The following CNTN1 variants were observed in gnomAD, a reference collection of about 807,000 sequenced individuals.
The protein encoded by CNTN1 is contactin 1, also known as contactin-1.
Under a neutral mutation model 126.4 loss-of-function variants are expected in CNTN1, and 38 were observed. That is an observed-to-expected ratio of 0.30 (90% CI 0.23 to 0.39). The LOEUF (loss-of-function observed/expected upper bound fraction) is 0.39, where lower values mean the gene tolerates loss of function less well. CNTN1 is among the 10% of genes least tolerant of loss of function. The pLI, the probability that CNTN1 is intolerant of heterozygous loss-of-function variation, is 1.00. For synonymous variants in CNTN1, 413 were observed against 422.6 expected (o/e 0.98, Z 0.28); for missense variants, 1,009 against 1,248.4 (o/e 0.81, Z 2.89).
chr12:40,988,271 G>A (rs2120458483), intron 16 of CNTN1, among the ~76,000 whole-genome samples: 1 of 152,270 alleles, frequency 6.6e-6, no homozygotes, highest in African/African-American at 2.4e-5. Flanking sequence ...ATCTCTGAGT[G>A]AGTAGGTTTG....
chr12:40,748,419 G>A (rs1412147334), intron 1 of CNTN1, among the ~76,000 whole-genome samples: 2 of 152,136 alleles, frequency 1.3e-5, no homozygotes, highest in Admixed American at 6.6e-5. Context: ...GAGGGACAGA[G>A]TGGGATTTCT....
chr12:41,058,449 A>G (rs1566238562), intron 23 of CNTN1, among the ~76,000 whole-genome samples: 1 of 152,150 alleles, frequency 6.6e-6, no homozygotes, highest in Non-Finnish European at 1.5e-5. Flanking sequence ...AGTTCCATTC[A>G]CTTGTGGGAA....
chr12:40,975,371 T>C (rs577830924), intron 15 of CNTN1, among the ~76,000 whole-genome samples: 2 of 152,044 alleles, frequency 1.3e-5, no homozygotes, highest in South Asian at 4.2e-4. Context: ...AGACTCTGCA[T>C]TGAACCATGA....
At chr12:40,785,906 C>A (rs1232980663) in intron 1 of CNTN1, among the ~76,000 whole-genome samples, 1 of 152,048 alleles carries the variant, frequency 6.6e-6, no homozygotes, top group Non-Finnish European at 1.5e-5. Context: ...GAGGGATCTG[C>A]CCCCATGAGC....
At chr12:40,761,813 T>C (rs1017682055) in intron 1 of CNTN1, among the ~76,000 whole-genome samples, 1 of 152,192 alleles carries the variant, frequency 6.6e-6, no homozygotes, top group Non-Finnish European at 1.5e-5. Context: ...TACTTTAGAA[T>C]AGGCTAAACT....
Position 40,908,441 on chromosome 12 carries a change from G to A in CNTN1, c.9G>A (p.Met3Ile). The part of the protein sequence containing the change: MK[M>I]WLLVSHLVII... The stretch of plus-strand genomic sequence containing the variant: ...CTTCTACTGAATACAAGATGAAAAT[G>A]TGGTTGCTGGTCAGTCATCTTGTGA... The change falls in exon 2 of 24, where the codon ATG becomes ATA. Residue 3 changes from methionine to isoleucine, a missense_variant. Physicochemically the swap from Met to Ile is conservative, Grantham distance 10. Transcript: ENST00000551295. 1 of 1,612,920 alleles carries A rather than the reference G, an allele frequency of 6.2e-7. No homozygotes were observed. The highest frequency in any genetic ancestry group is 8.5e-7 in the Non-Finnish European group (1 of 1,179,422).
intron 15 of CNTN1, among the ~76,000 whole-genome samples, chr12:40,967,746 T>C (rs1947359759): frequency 6.6e-6 from 1 of 152,124 alleles, no homozygotes; most frequent in Non-Finnish European, 1.5e-5. Context: ...TCGAAGAATA[T>C]GAATAAATGG....
chr12:40,935,475 G>C lies in CNTN1; in HGVS notation c.986-1306G>C, dbSNP rs117219934. On this transcript the variant is annotated intron_variant, in intron 9 of 23. Coordinates refer to ENST00000551295, the MANE Select transcript of CNTN1 (RefSeq NM_001843.4). ...ATTCTTTACTAATGCAGCATACTAAGTATTATCTTTAGGTCTGATCACATC... is the reference window on the plus strand; with the variant it reads ...ATTCTTTACTAATGCAGCATACTAACTATTATCTTTAGGTCTGATCACATC... Among the ~76,000 whole-genome samples, 78 of 152,096 alleles carry C rather than the reference G, an allele frequency of 5.1e-4. 1 individual carries two copies. In the East Asian group the frequency reaches 0.013, roughly 25 times the overall value.
chr12:40,845,420 ATATT>A (rs2136597610), intron 1 of CNTN1, among the ~76,000 whole-genome samples: 1 of 152,332 alleles, frequency 6.6e-6, no homozygotes, highest in African/African-American at 2.4e-5. Flanking sequence ...TCTCAAATAT[ATATT>A]ATCACCTGTT....
chr12:40,863,817 C>G (rs1261091003), intron 1 of CNTN1, among the ~76,000 whole-genome samples: 1 of 151,974 alleles, frequency 6.6e-6, no homozygotes, highest in East Asian at 1.9e-4. Flanking sequence ...GAAAAATTGT[C>G]TTCCACAAAA....
At chr12:40,908,335 C>A (rs749908859) in intron 1 of CNTN1, 22 bp from the exon 2 acceptor site, 569 of 840,270 alleles carry the variant, frequency 6.8e-4, no homozygotes, top group Non-Finnish European at 1.0e-3. Flanking sequence ...TTTCCTTCTT[C>A]TTCTTTTCTT....
At chr12:40,731,008 CAATT>C (rs1444815134) in intron 1 of CNTN1, among the ~76,000 whole-genome samples, 2 of 151,056 alleles carry the variant, frequency 1.3e-5, no homozygotes, top group Non-Finnish European at 3.0e-5. Context: ...AGTAAACTAA[CAATT>C]AAACAAACTA....
chr12:40,856,732 C>A (rs312268), intron 1 of CNTN1, among the ~76,000 whole-genome samples: 100,184 of 151,966 alleles, frequency 0.66, 33,965 homozygotes, highest in African/African-American at 0.83. Flanking sequence ...GTATGTCAGG[C>A]AGGGAAAAGA....
intron 5 of CNTN1, among the ~76,000 whole-genome samples, chr12:40,923,089 C>T (rs1945509640): frequency 6.6e-6 from 1 of 151,488 alleles, no homozygotes; most frequent in African/African-American, 2.4e-5. Context: ...TCACATATTG[C>T]AACATAATGT....
intron 1 of CNTN1, among the ~76,000 whole-genome samples, chr12:40,883,136 A>G (rs923994274): frequency 8.6e-5 from 13 of 151,662 alleles, no homozygotes; most frequent in Admixed American, 7.2e-4. Flanking sequence ...CAGAATAACT[A>G]GAGTTTTGAA....
intron 23 of CNTN1, among the ~76,000 whole-genome samples, chr12:41,063,404 G>T (rs1949983024): frequency 1.3e-5 from 2 of 152,196 alleles, no homozygotes; most frequent in East Asian, 3.8e-4. Flanking sequence ...CTGTGTGATG[G>T]TCCTTGATAG....
intron 1 of CNTN1, among the ~76,000 whole-genome samples, chr12:40,711,220 C>T (rs914904145): frequency 2.5e-4 from 38 of 152,144 alleles, no homozygotes; most frequent in African/African-American, 7.7e-4. Context: ...CAGTCTTTCC[C>T]TGTCAATTCT....
intron 1 of CNTN1, among the ~76,000 whole-genome samples, chr12:40,701,246 A>G (rs952140321): frequency 1.3e-5 from 2 of 152,226 alleles, no homozygotes; most frequent in Non-Finnish European, 1.5e-5. Context: ...CTTTCACTAC[A>G]GTAATTTACA....
intron 1 of CNTN1, among the ~76,000 whole-genome samples, chr12:40,848,936 A>G (rs538996858): frequency 6.6e-6 from 1 of 152,224 alleles, no homozygotes; most frequent in Admixed American, 6.5e-5. Context: ...AATACAGTAT[A>G]AGAATATAAT....
Sources: gnomAD v4.1 joint callset for allele counts (sites outside exome capture counted in the v4.1 genomes callset) on GRCh38, gnomAD v4.1.1 for gene constraint, MANE v1.5 for transcripts, NCBI Gene and HGNC (gene_info 2026-07-23, HGNC 2026-07-21) for gene names.